Variants in HOATZ observed in about 807,000 individuals in gnomAD.
HOATZ encodes HOATZ cilia and flagella associated protein.
HOATZ carries 26 observed loss-of-function variants against 24.9 expected under a neutral mutation model. The observed-to-expected ratio is 1.04, with a 90% CI of 0.76 to 1.45. The LOEUF is 1.45. HOATZ is among the 40% of genes most tolerant of loss of function. The pLI is 0.00. For missense variants in HOATZ, 226 were observed against 201.5 expected (o/e 1.12, Z -0.74); for synonymous variants, 83 against 76.6 (o/e 1.08, Z -0.43).
chr11:111,522,863 A>G (rs1362745973), intron 3 of HOATZ, among the ~76,000 whole-genome samples: 1 of 152,172 alleles, frequency 6.6e-6, no homozygotes, highest in Non-Finnish European at 1.5e-5. Context: ...AGGCGGGCAG[A>G]TCACCTAAGG....
intron 3 of HOATZ, among the ~76,000 whole-genome samples, chr11:111,528,211 T>C (rs1400168789): frequency 2.0e-5 from 3 of 151,490 alleles, no homozygotes; most frequent in Non-Finnish European, 2.9e-5. Context: ...CATGTGCCTG[T>C]GGTCCCAACT....
chr11:111,520,770 T>C (rs1481167855), intron 3 of HOATZ, among the ~76,000 whole-genome samples: 1 of 152,230 alleles, frequency 6.6e-6, no homozygotes. Flanking sequence ...ACTTGGGATA[T>C]GAATCATCCC....
At chr11:111,523,663 C>A (rs538560454) in intron 3 of HOATZ, among the ~76,000 whole-genome samples, 5 of 152,226 alleles carry the variant, frequency 3.3e-5, no homozygotes, top group Non-Finnish European at 7.3e-5. Flanking sequence ...CACCATTACC[C>A]TTCAGTGCAA....
chr11:111,528,828 G>T (rs866046810), intron 3 of HOATZ, among the ~76,000 whole-genome samples: 1 of 152,144 alleles, frequency 6.6e-6, no homozygotes. Context: ...GTGTGTGCAT[G>T]TGTCTGAAGT....
intron 3 of HOATZ, 143 bp downstream of exon 3, chr11:111,516,253 A>G (rs370039147): frequency 6.9e-5 from 38 of 548,324 alleles, no homozygotes; most frequent in East Asian, 5.6e-4. Context: ...TAGAATTTTA[A>G]TTGAAAATTT....
At chr11:111,532,160 T>C (rs777823224) in intron 3 of HOATZ, among the ~76,000 whole-genome samples, 3 of 152,168 alleles carry the variant, frequency 2.0e-5, no homozygotes, top group African/African-American at 4.8e-5. Flanking sequence ...TCGTACCCTA[T>C]ATTAACCCCA....
chr11:111,527,134 G>A (rs866919297), intron 3 of HOATZ, among the ~76,000 whole-genome samples: 1 of 152,046 alleles, frequency 6.6e-6, no homozygotes, highest in Non-Finnish European at 1.5e-5. Context: ...TAAATCACTT[G>A]TACTTCTGCT....
At chr11:111,528,321 A>G (rs1867361295) in intron 3 of HOATZ, among the ~76,000 whole-genome samples, 1 of 152,210 alleles carries the variant, frequency 6.6e-6, no homozygotes, top group Non-Finnish European at 1.5e-5. Context: ...ACCTGAGTGG[A>G]GAGCAAGACC....
intron 3 of HOATZ, 50 bp from the exon 4 acceptor site, chr11:111,533,696 A>G (rs774638478): frequency 2.4e-6 from 3 of 1,269,526 alleles, no homozygotes; most frequent in South Asian, 2.5e-5. Flanking sequence ...TCGTAGGCGT[A>G]AGTCTTTATT....
At chr11:111,528,950 A>G (rs1243215336) in intron 3 of HOATZ, among the ~76,000 whole-genome samples, 1 of 152,214 alleles carries the variant, frequency 6.6e-6, no homozygotes, top group Non-Finnish European at 1.5e-5. Flanking sequence ...GTTACTAGTT[A>G]GTTAAGTGAC....
intron 3 of HOATZ, among the ~76,000 whole-genome samples, chr11:111,526,292 A>G (rs1238874384): frequency 6.6e-6 from 1 of 152,228 alleles, no homozygotes; most frequent in Non-Finnish European, 1.5e-5. Context: ...CTTGAGAAAG[A>G]TCAGCAGACT....
chr11:111,533,433 T>G (rs543422442), intron 3 of HOATZ, among the ~76,000 whole-genome samples: 12 of 147,692 alleles, frequency 8.1e-5, no homozygotes, highest in East Asian at 3.9e-4. Flanking sequence ...TAAATATTAG[T>G]TTTTTTTTTA....
chr11:111,531,142 T>A (rs759449176), intron 3 of HOATZ, among the ~76,000 whole-genome samples: 2 of 152,232 alleles, frequency 1.3e-5, no homozygotes, highest in Non-Finnish European at 2.9e-5. Context: ...GATTTCCCAA[T>A]AGTTACACAG....
chr11:111,522,883 C>T (rs951373217), intron 3 of HOATZ, among the ~76,000 whole-genome samples: 4 of 151,950 alleles, frequency 2.6e-5, no homozygotes, highest in African/African-American at 9.7e-5. Context: ...GTCGGGAATT[C>T]AAGACCAGGC....
intron 2 of HOATZ, 80 bp from the exon 3 acceptor site, chr11:111,515,960 C>A: frequency 2.1e-6 from 2 of 947,792 alleles, no homozygotes; most frequent in Non-Finnish European, 3.2e-6. Flanking sequence ...CCCTTTCAAC[C>A]CATGTCCAAT....
chr11:111,534,670 A>G (rs748814882), intron 5 of HOATZ: 2 of 558,460 alleles, frequency 3.6e-6, no homozygotes, highest in Non-Finnish European at 6.5e-6. Context: ...ATATGCAAGC[A>G]TAAGTTAGTG....
chr11:111,536,798 G>A lies in HOATZ; in HGVS notation c.481G>A (p.Asp161Asn), dbSNP rs746364408. 4 of 1,613,750 alleles carry A rather than the reference G, an allele frequency of 2.5e-6. No homozygotes were observed. In the East Asian group the frequency reaches 8.9e-5, roughly 36 times the overall value. Residue 161 changes from aspartate to asparagine, a missense_variant, in exon 6 of 6, where the codon GAC becomes AAC. Transcript: ENST00000375618. ...KKVVSESDKE[D>N]QEEVKTLD ...AGTGGTATCAGAGTCAGATAAAGAG[G>A]ACCAAGAAGAAGTCAAAACTTTGGA...
At position 111,525,840 on chromosome 11, in the gene HOATZ, A is replaced by G. The variant is rs577084087; in HGVS notation, c.340-7906A>G. ...ACCTATTTCCCATTTAGAAAAAAGAAGTGCAGCTCACTGCCAGCACAGTGT... is the reference window on the plus strand; with the variant it reads ...ACCTATTTCCCATTTAGAAAAAAGAGGTGCAGCTCACTGCCAGCACAGTGT... On this transcript the variant is annotated intron_variant, in intron 3 of 5. Transcript: ENST00000375618. Among the ~76,000 whole-genome samples the G allele has an allele frequency of 7.2e-5, 11 of 152,368 alleles. No homozygotes were observed. The East Asian group carries it at 1.9e-3, about 27-fold the overall frequency.
intron 5 of HOATZ, 167 bp from the exon 6 acceptor site, chr11:111,536,603 A>C (rs775757311): frequency 8.6e-6 from 5 of 584,398 alleles, no homozygotes; most frequent in Non-Finnish European, 1.5e-5. Flanking sequence ...CAATATCATA[A>C]CCACTTCTCT....
Sources: allele counts gnomAD v4.1 joint callset (sites outside exome capture counted in the v4.1 genomes callset), GRCh38; gene constraint gnomAD v4.1.1; transcripts MANE v1.5; gene names NCBI Gene and HGNC (gene_info 2026-07-23, HGNC 2026-07-21).